The following LDLRAD4 variants were observed in gnomAD, a reference collection of about 807,000 sequenced individuals.
LDLRAD4 encodes low density lipoprotein receptor class A domain containing 4.
Under a neutral mutation model 17.0 loss-of-function variants are expected in LDLRAD4, and 5 were observed. The observed-to-expected ratio is 0.29, with a 90% CI of 0.15 to 0.62. LDLRAD4 has a LOEUF of 0.62. Among genes scored for constraint, LDLRAD4 ranks in the 20% least tolerant of loss-of-function variants. The probability of loss-of-function intolerance (pLI) is 0.84; values close to 1 mark genes in which losing one functional copy is unlikely to be tolerated. For missense variants in LDLRAD4, 340 were observed against 424.7 expected, an observed-to-expected ratio of 0.80 and a Z score of 1.75; for synonymous variants, 168 against 171.8, an observed-to-expected ratio of 0.98 and a Z score of 0.17.
intron 1 of LDLRAD4, among the ~76,000 whole-genome samples, chr18:13,225,036 A>C (rs533945700): frequency 2.0e-5 from 3 of 150,822 alleles, no homozygotes; most frequent in Non-Finnish European, 3.0e-5. Context: ...GGGTTTCGTC[A>C]TGTTGGCCAG....
At chr18:13,500,393 G>A (rs2093593274) in intron 3 of LDLRAD4, among the ~76,000 whole-genome samples, 2 of 152,236 alleles carry the variant, frequency 1.3e-5, no homozygotes, top group East Asian at 1.9e-4. Context: ...GGTCTTAGGT[G>A]CTTTTTCATG....
At chr18:13,431,838 G>T (rs1291207178) in intron 2 of LDLRAD4, among the ~76,000 whole-genome samples, 1 of 152,210 alleles carries the variant, frequency 6.6e-6, no homozygotes, top group Non-Finnish European at 1.5e-5. Context: ...TTTATTAAAT[G>T]CTTTGGGGTT....
intron 3 of LDLRAD4, among the ~76,000 whole-genome samples, chr18:13,476,414 C>A (rs1318585672): frequency 6.6e-6 from 1 of 151,956 alleles, no homozygotes; most frequent in East Asian, 1.9e-4. Context: ...CGCTTGAGTC[C>A]AGGAGTTTGA....
Position 13,573,069 on chromosome 18 carries a change from G to A in LDLRAD4, c.182-48048G>A, listed in dbSNP as rs77838352. 1.9e-3 allele frequency among the ~76,000 whole-genome samples: 282 copies of A among 152,220 alleles called. 2 individuals carry two copies. The highest frequency in any genetic ancestry group is 6.6e-3 in the African/African-American group (274 of 41,564). On this transcript the variant is annotated intron_variant, in intron 3 of 5. Coordinates refer to ENST00000359446, the Ensembl canonical transcript of LDLRAD4. ...TGGGAAGGAGTTACTGCTCTGAAAG[G>A]TTTGTTCTCCTTTATTTTATTTTAT... is the stretch of plus-strand genomic sequence containing the variant.
At chr18:13,596,686 G>C (rs763506255) in intron 3 of LDLRAD4, among the ~76,000 whole-genome samples, 1 of 152,054 alleles carries the variant, frequency 6.6e-6, no homozygotes, top group African/African-American at 2.4e-5. Context: ...TAAATAATTT[G>C]AAAGAAGAGA....
At chr18:13,503,147 A>C (rs1007216165) in intron 3 of LDLRAD4, among the ~76,000 whole-genome samples, 2 of 152,218 alleles carry the variant, frequency 1.3e-5, no homozygotes, top group Admixed American at 1.3e-4. Context: ...AAGTATGTAC[A>C]ACTGAAAGTG....
intron 3 of LDLRAD4, chr18:13,486,603 C>G (rs1186613225): frequency 6.6e-6 from 1 of 152,236 alleles, no homozygotes; most frequent in South Asian, 2.1e-4. Flanking sequence ...AAGAAGTGCG[C>G]TTGAGGAAAG....
At chr18:13,552,134 G>A (rs2094440726) in intron 3 of LDLRAD4, among the ~76,000 whole-genome samples, 1 of 152,228 alleles carries the variant, frequency 6.6e-6, no homozygotes, top group South Asian at 2.1e-4. Flanking sequence ...ATTTGGAGGA[G>A]ACAGACATCC....
intron 1 of LDLRAD4, among the ~76,000 whole-genome samples, chr18:13,243,384 A>G (rs1383360648): frequency 2.6e-5 from 4 of 152,066 alleles, no homozygotes; most frequent in Non-Finnish European, 4.4e-5. Flanking sequence ...TTGAAACTTT[A>G]TATCAGCATC....
At chr18:13,267,636 G>T (rs1402608959) in intron 1 of LDLRAD4, among the ~76,000 whole-genome samples, 1 of 152,266 alleles carries the variant, frequency 6.6e-6, no homozygotes, top group Admixed American at 6.5e-5. Flanking sequence ...CACTTCAGAC[G>T]TCGTGTGTAA....
At chr18:13,325,740 C>A (rs865776882) in intron 1 of LDLRAD4, among the ~76,000 whole-genome samples, 2 of 151,912 alleles carry the variant, frequency 1.3e-5, no homozygotes, top group Admixed American at 6.6e-5. Flanking sequence ...GTGGGGATGG[C>A]AATATAAACT....
At chr18:13,483,546 C>T (rs2093147055) in intron 3 of LDLRAD4, among the ~76,000 whole-genome samples, 1 of 152,204 alleles carries the variant, frequency 6.6e-6, no homozygotes. Context: ...GGGTTGGTCA[C>T]ATCTATCCTG....
chr18:13,310,489 G>A (rs1282516864), intron 1 of LDLRAD4, among the ~76,000 whole-genome samples: 3 of 152,188 alleles, frequency 2.0e-5, no homozygotes, highest in Non-Finnish European at 1.5e-5. Flanking sequence ...GAGGTTTTGC[G>A]GTATAATCTA....
chr18:13,238,721 G>T lies in LDLRAD4; in HGVS notation c.-467+19733G>T, dbSNP rs554052633. Among the ~76,000 whole-genome samples, 3 of 152,310 alleles carry T rather than the reference G, an allele frequency of 2.0e-5. No individual in the cohort carries two copies. The East Asian group carries it at 5.8e-4, about 29-fold the overall frequency. On this transcript the variant is annotated intron_variant, in intron 1 of 5. Coordinates refer to the LDLRAD4 transcript ENST00000399848. ...TGGAGAGACTCAATACCTGGGAGGG[G>T]CCTACACATAGGCAGCCTCTCCCGG...
intron 4 of LDLRAD4, among the ~76,000 whole-genome samples, chr18:13,631,287 A>G (rs1245958925): frequency 6.6e-6 from 1 of 152,256 alleles, no homozygotes; most frequent in East Asian, 1.9e-4. Flanking sequence ...AAGATATTAG[A>G]AACAGCCTAC....
intron 1 of LDLRAD4, among the ~76,000 whole-genome samples, chr18:13,304,175 A>G (rs780824721): frequency 6.6e-6 from 1 of 152,114 alleles, no homozygotes; most frequent in Non-Finnish European, 1.5e-5. Flanking sequence ...TTCCACACTC[A>G]GGGCTCATCT....
chr18:13,243,488 A>C (rs1339455040), intron 1 of LDLRAD4, among the ~76,000 whole-genome samples: 1 of 147,644 alleles, frequency 6.8e-6, no homozygotes, highest in Non-Finnish European at 1.5e-5. Flanking sequence ...CCGTGCACCT[A>C]CCCACCCGTT....
At chr18:13,580,737 T>C (rs891839767) in intron 3 of LDLRAD4, among the ~76,000 whole-genome samples, 1 of 152,228 alleles carries the variant, frequency 6.6e-6, no homozygotes, top group Admixed American at 6.5e-5. Flanking sequence ...TCCAGACTTC[T>C]TAATAGCCAC....
intron 1 of LDLRAD4, among the ~76,000 whole-genome samples, chr18:13,255,248 T>A (rs1024568565): frequency 9.9e-5 from 15 of 151,774 alleles, no homozygotes; most frequent in African/African-American, 3.1e-4. Flanking sequence ...GGATACACAG[T>A]GGGAGCTCCT....
Sources: gnomAD v4.1 joint callset for allele counts (sites outside exome capture counted in the v4.1 genomes callset) on GRCh38, gnomAD v4.1.1 for gene constraint, MANE v1.5 for transcripts, NCBI Gene and HGNC (gene_info 2026-07-23, HGNC 2026-07-21) for gene names.